Variants in TAF4B observed in about 807,000 individuals in gnomAD.
TAF4B encodes the protein transcription initiation factor TFIID subunit 4B.
In TAF4B, 38 loss-of-function variants were observed where a neutral mutation model predicts 86.4. That is an observed-to-expected ratio of 0.44 (90% CI 0.34 to 0.58). TAF4B has a LOEUF of 0.58. Among genes scored for constraint, TAF4B ranks in the 20% least tolerant of loss-of-function variants. The probability of loss-of-function intolerance (pLI) is 0.02; values close to 1 mark genes in which losing one functional copy is unlikely to be tolerated. For synonymous variants in TAF4B, 388 were observed against 391.2 expected (o/e 0.99, Z 0.10); for missense variants, 988 against 1,027.6 (o/e 0.96, Z 0.53).
rs1482450045 is a variant in TAF4B at position 26,389,926 on chromosome 18, A to C, written c.2503A>C (p.Ile835Leu). The C allele has an allele frequency of 1.2e-6, 2 of 1,614,166 alleles. No homozygotes were observed. Among genetic ancestry groups the C allele is most frequent in the Non-Finnish European group, 8.5e-7 (1 of 1,179,998 alleles). ...KQLHRPRITR[I>L]CLRDLIFCME... ...GTTGCATCGTCCAAGAATCACGAGA[A>C]TCTGCCTCAGGGACTTGATATTTTG... The change falls in exon 15 of 15, where the codon ATC becomes CTC. Residue 835 changes from isoleucine (I) to leucine (L), a missense_variant. Transcript: ENST00000269142.
At position 26,389,867 on chromosome 18, in the gene TAF4B, C is replaced by G; in HGVS notation, c.2444C>G (p.Ala815Gly). The G allele has an allele frequency of 6.2e-7, 1 of 1,613,312 alleles. No individual in the cohort carries two copies. The highest frequency in any genetic ancestry group is 8.5e-7 in the Non-Finnish European group (1 of 1,179,770). The change falls in exon 15 of 15, where the codon GCT becomes GGT. Residue 815 changes from alanine to glycine, a missense_variant. By Grantham distance (60) the Ala-to-Gly change is moderately conservative. Transcript: ENST00000269142. ...TAGGGCTTAAAAGACAACCTTCTTGCTTCTGGGACATCCAGCCTGACAGCC... is the reference window on the plus strand; with the variant it reads ...TAGGGCTTAAAAGACAACCTTCTTGGTTCTGGGACATCCAGCCTGACAGCC... Reference protein sequence around the residue: ...GIEGLKDNLLASGTSSLTATK... With the variant: ...GIEGLKDNLLGSGTSSLTATK...
At chr18:26,382,871 CT>C (rs1280099954) in intron 14 of TAF4B, among the ~76,000 whole-genome samples, 1 of 152,084 alleles carries the variant, frequency 6.6e-6, no homozygotes, top group Non-Finnish European at 1.5e-5. Flanking sequence ...ATAAAAAGTA[CT>C]ACTAAAGTGC....
chr18:26,250,549 G>A (rs959866133), intron 1 of TAF4B, among the ~76,000 whole-genome samples: 12 of 150,598 alleles, frequency 8.0e-5, no homozygotes, highest in Admixed American at 2.6e-4. Flanking sequence ...TCACCATTTC[G>A]CCCAGGCTGG....
chr18:26,308,896 A>G (rs894738358), intron 9 of TAF4B, among the ~76,000 whole-genome samples: 19 of 151,450 alleles, frequency 1.3e-4, no homozygotes, highest in Non-Finnish European at 2.5e-4. Context: ...AAAAAAAAAA[A>G]AAAGAAATTG....
At chr18:26,306,515 T>C (rs1481910470) in intron 9 of TAF4B, among the ~76,000 whole-genome samples, 1 of 152,222 alleles carries the variant, frequency 6.6e-6, no homozygotes, top group Non-Finnish European at 1.5e-5. Flanking sequence ...CCATTGTATG[T>C]ATACCGAGTG....
intron 14 of TAF4B, among the ~76,000 whole-genome samples, chr18:26,368,772 A>T (rs950072865): frequency 2.0e-5 from 3 of 151,932 alleles, no homozygotes; most frequent in Admixed American, 6.6e-5. Flanking sequence ...CTTGCTATTC[A>T]TAAATGACCT....
intron 5 of TAF4B, among the ~76,000 whole-genome samples, chr18:26,275,578 T>A (rs925929920): frequency 6.6e-6 from 1 of 152,186 alleles, no homozygotes; most frequent in African/African-American, 2.4e-5. Context: ...TTTACCTTTT[T>A]AAAAAAATTG....
At chr18:26,242,099 G>T (rs2055848387) in intron 1 of TAF4B, among the ~76,000 whole-genome samples, 1 of 152,160 alleles carries the variant, frequency 6.6e-6, no homozygotes, top group Admixed American at 6.5e-5. Context: ...TGTCTATTAG[G>T]CCTGCTTGGT....
At chr18:26,319,684 G>T (rs1341755065) in intron 10 of TAF4B, among the ~76,000 whole-genome samples, 1 of 152,066 alleles carries the variant, frequency 6.6e-6, no homozygotes, top group African/African-American at 2.4e-5. Flanking sequence ...CCGCCTCCCA[G>T]GTACAAGTGA....
chr18:26,295,539 G>A (rs1212827144), intron 9 of TAF4B, among the ~76,000 whole-genome samples: 1 of 152,204 alleles, frequency 6.6e-6, no homozygotes, highest in Non-Finnish European at 1.5e-5. Flanking sequence ...CCACTGATCT[G>A]ACAGGAGTTG....
chr18:26,380,508 CT>C (rs1464232957), intron 14 of TAF4B, among the ~76,000 whole-genome samples: 1 of 152,170 alleles, frequency 6.6e-6, no homozygotes. Flanking sequence ...TTTACTATGA[CT>C]TGGGCTTGCA....
intron 5 of TAF4B, among the ~76,000 whole-genome samples, chr18:26,277,038 T>G (rs1299743364): frequency 6.6e-6 from 1 of 152,180 alleles, no homozygotes; most frequent in Non-Finnish European, 1.5e-5. Flanking sequence ...ATTTTGTTTT[T>G]TGTGGGGTTA....
chr18:26,241,968 G>A (rs1469176069), intron 1 of TAF4B, among the ~76,000 whole-genome samples: 1 of 152,178 alleles, frequency 6.6e-6, no homozygotes, highest in Non-Finnish European at 1.5e-5. Context: ...TATAATTTCT[G>A]TTCTTTCACA....
At chr18:26,227,650 A>G (rs1460672064) in intron 1 of TAF4B, among the ~76,000 whole-genome samples, 1 of 152,162 alleles carries the variant, frequency 6.6e-6, no homozygotes, top group Non-Finnish European at 1.5e-5. Context: ...TTTATTAATT[A>G]TGAATGAATG....
At chr18:26,296,783 T>C (rs1632229) in intron 9 of TAF4B, among the ~76,000 whole-genome samples, 1 of 152,142 alleles carries the variant, frequency 6.6e-6, no homozygotes, top group African/African-American at 2.4e-5. Context: ...TCATTGTAGA[T>C]TGGGTTTGGA....
At chr18:26,230,896 G>T (rs1251096267) in intron 1 of TAF4B, among the ~76,000 whole-genome samples, 1 of 152,000 alleles carries the variant, frequency 6.6e-6, no homozygotes, top group East Asian at 1.9e-4. Context: ...GATTCTGAGG[G>T]TCATCACACA....
At chr18:26,269,473 TATGTG>T (rs1007569262) in intron 3 of TAF4B, among the ~76,000 whole-genome samples, 1 of 152,172 alleles carries the variant, frequency 6.6e-6, no homozygotes, top group Non-Finnish European at 1.5e-5. Context: ...AGTCAAGACA[TATGTG>T]ATGAAACCAG....
intron 1 of TAF4B, among the ~76,000 whole-genome samples, chr18:26,232,801 A>G (rs2055692437): frequency 6.6e-6 from 1 of 152,190 alleles, no homozygotes; most frequent in African/African-American, 2.4e-5. Context: ...GAGTAAGGAT[A>G]GATTTTGTTA....
rs1567913723 is a variant in TAF4B at position 26,346,791 on chromosome 18, ATATAT to A, written c.2317-10898_2317-10894del. 1.7e-4 allele frequency among the ~76,000 whole-genome samples: 5 copies of A among 29,304 alleles called. 1 individual carries two copies. The highest frequency in any genetic ancestry group is 4.0e-4 in the African/African-American group (5 of 12,534). The allele number at this position is 29,304 out of a possible 152,430, so 19.2% of individuals were successfully genotyped here. The stretch of plus-strand genomic sequence containing the variant: ...TATATATATGTGTGTGTATATATAT[ATATAT>A]ATGTGTATATATATATATATGTGTG... On this transcript the variant is annotated intron_variant, in intron 13 of 14. Transcript: ENST00000269142.
Sources: allele counts gnomAD v4.1 joint callset (sites outside exome capture counted in the v4.1 genomes callset), GRCh38; gene constraint gnomAD v4.1.1; transcripts MANE v1.5; gene names NCBI Gene and HGNC (gene_info 2026-07-23, HGNC 2026-07-21).